The following EMG1 variants were observed in gnomAD, a reference collection of about 807,000 sequenced individuals.
The protein encoded by EMG1 is EMG1 N1-specific pseudouridine methyltransferase, also known as ribosomal RNA small subunit methyltransferase NEP1.
In EMG1, 24 loss-of-function variants were observed where a neutral mutation model predicts 26.9. The ratio of observed to expected loss-of-function variants is 0.89; its 90% CI spans 0.65 to 1.26. EMG1 has a LOEUF of 1.26. Among genes scored for constraint, EMG1 ranks in the 50% most tolerant of loss-of-function variants. The pLI, the probability that EMG1 is intolerant of heterozygous loss-of-function variation, is 0.00. For missense variants in EMG1, 299 were observed against 307.6 expected (o/e 0.97, Z 0.21); for synonymous variants, 140 against 112.6 (o/e 1.24, Z -1.54).
chr12:6,997,102 AC>A (rs1174173564), intron 7 of EMG1: 16 of 152,328 alleles, frequency 1.1e-4, no homozygotes, highest in Admixed American at 5.2e-4. Context: ...AGGTCTTCAA[AC>A]CTTTTTGCTG....
chr12:6,981,144 A>G, downstream of EMG1: 1 of 1,613,406 alleles, frequency 6.2e-7, no homozygotes, highest in Non-Finnish European at 8.5e-7. Context: ...AAGGAACACC[A>G]CGTATGGCAT....
rs782354941 is a variant in EMG1, at chr12:6,995,469, G to A, written c.*212-1756G>A. On this transcript the variant is annotated intron_variant and NMD_transcript_variant, in intron 7 of 7. Transcript: ENST00000607161. ...AGCCTGGGCAACAGAGCCAGACTCC[G>A]TCTCAAAAAAAAAAAAAAAGTGTTT... is the stretch of plus-strand genomic sequence containing the variant. Among the ~76,000 whole-genome samples, 14 of 147,362 alleles carry A rather than the reference G, an allele frequency of 9.5e-5. 1 individual carries two copies. In the South Asian group the frequency reaches 1.5e-3, roughly 16 times the overall value.
Position 6,978,185 on chromosome 12 carries a change from G to T in EMG1, c.*2376G>T. 1 of 819,890 alleles carries T rather than the reference G, an allele frequency of 1.2e-6. No homozygotes were observed. Among genetic ancestry groups the T allele is most frequent in the Non-Finnish European group, 1.9e-6 (1 of 523,052 alleles). The allele number at this position is 819,890 out of a possible 1,614,324, so 50.8% of individuals were successfully genotyped here. On this transcript the variant is annotated 3_prime_UTR_variant, in exon 6 of 6. Transcript: ENST00000599672. ...ATGACAGTAATGGTTTTTTTGGGAG[G>T]GGGGTATAGGTGGGGGTCAAAGTCA...
At chr12:6,991,329 A>G (rs755762989), downstream of EMG1, among the ~76,000 whole-genome samples, 8 of 152,250 alleles carry the variant, frequency 5.3e-5, no homozygotes, top group Non-Finnish European at 1.2e-4. Context: ...CTTAACAGTT[A>G]GGAACTTTTG....
At chr12:6,983,583 G>T, downstream of EMG1, 2 of 1,282,752 alleles carry the variant, frequency 1.6e-6, no homozygotes, top group Non-Finnish European at 2.3e-6. Context: ...TGTGCCTGGT[G>T]CCATCCCAGT....
At chr12:6,985,264 C>T (rs372990012) in intron 6 of EMG1, among the ~76,000 whole-genome samples, 16 of 151,820 alleles carry the variant, frequency 1.1e-4, no homozygotes, top group East Asian at 9.7e-4. Flanking sequence ...GGTGTGGTGG[C>T]GGGCGCCTAT....
At chr12:6,983,156 C>A, downstream of EMG1, 1 of 467,234 alleles carries the variant, frequency 2.1e-6, no homozygotes, top group Non-Finnish European at 3.9e-6. Context: ...TTGGCTCGGT[C>A]ATTCAGTTAC....
At chr12:6,983,931 C>T (rs782421403), downstream of EMG1, among the ~76,000 whole-genome samples, 11 of 152,042 alleles carry the variant, frequency 7.2e-5, no homozygotes, top group Non-Finnish European at 1.3e-4. Flanking sequence ...TTGCTTGAGC[C>T]GAGGAGTTCG....
chr12:6,985,089 T>TAA (rs10559240), intron 6 of EMG1, among the ~76,000 whole-genome samples: 1 of 112,640 alleles, frequency 8.9e-6, no homozygotes, highest in African/African-American at 3.5e-5. Flanking sequence ...CCCCATACAT[T>TAA]AAAAAAAAAA....
intron 3 of EMG1, 85 bp from the exon 4 acceptor site, chr12:6,975,005 T>G: frequency 7.4e-7 from 1 of 1,355,540 alleles, no homozygotes; most frequent in Non-Finnish European, 1.1e-6. Flanking sequence ...GAACTCATCT[T>G]ATCCATGGGG....
Position 6,977,176 on chromosome 12 carries a change from T to C in EMG1, c.*1367T>C. The C allele has an allele frequency of 6.2e-7, 1 of 1,613,112 alleles. No homozygotes were observed. The highest frequency in any genetic ancestry group is 1.3e-5 in the African/African-American group (1 of 75,032). Reference sequence around the variant, plus strand: ...CCATCTTCTTTAACTTCTCTTTCCTTGGCACCATTGCTTTGTGAATATAAG... The same window carrying C: ...CCATCTTCTTTAACTTCTCTTTCCTCGGCACCATTGCTTTGTGAATATAAG... On this transcript the variant is annotated 3_prime_UTR_variant, in exon 6 of 6. Transcript: ENST00000599672. The surrounding 1 kb of genome is among the most constrained non-coding windows in gnomAD (Gnocchi z 4.5).
chr12:6,977,094 G>T lies in EMG1; in HGVS notation c.*1285G>T. On this transcript the variant is annotated 3_prime_UTR_variant, in exon 6 of 6. Coordinates refer to ENST00000599672, the MANE Select transcript of EMG1 (RefSeq NM_006331.8). The surrounding 1 kb of genome is among the most constrained non-coding windows in gnomAD (Gnocchi z 4.5). The stretch of plus-strand genomic sequence containing the variant: ...TTTTTCCAGTCTGTTGCTCTATTCT[G>T]TAACCTGGTGGTAGTTTTAGTTTAG... 1 of 1,238,472 alleles carries T rather than the reference G, an allele frequency of 8.1e-7. No individual in the cohort carries two copies. The highest frequency in any genetic ancestry group is 2.3e-5 in the East Asian group (1 of 42,938). The allele number at this position is 1,238,472 out of a possible 1,614,324, so 76.7% of individuals were successfully genotyped here. A position where few individuals can be genotyped will look rare whatever the true frequency, so the allele number is the denominator to read the frequency against.
chr12:6,978,710 T>C lies in EMG1; in HGVS notation c.*2901T>C. On this transcript the variant is annotated 3_prime_UTR_variant, in exon 6 of 6. Transcript: ENST00000599672. ...TGGTTCTTGAGGGAAGAAAGCACAGTGCATTAGGGATATCACATGACTAGG... is the reference window on the plus strand; with the variant it reads ...TGGTTCTTGAGGGAAGAAAGCACAGCGCATTAGGGATATCACATGACTAGG... 1 of 1,613,038 alleles carries C rather than the reference T, an allele frequency of 6.2e-7. No individual in the cohort carries two copies. The highest frequency in any genetic ancestry group is 2.2e-5 in the East Asian group (1 of 44,882).
chr12:6,995,671 G>A (rs988043490), intron 7 of EMG1, among the ~76,000 whole-genome samples: 26 of 151,852 alleles, frequency 1.7e-4, no homozygotes, highest in Non-Finnish European at 3.7e-4. Context: ...CCTCCTACCT[G>A]ATCTCTGCCT....
In EMG1 at chr12:6,978,514, G is replaced by A; in HGVS notation, c.*2705G>A. 1 of 1,612,210 alleles carries A rather than the reference G, an allele frequency of 6.2e-7. No individual in the cohort carries two copies. Among genetic ancestry groups the A allele is most frequent in the East Asian group, 2.2e-5 (1 of 44,836 alleles). On this transcript the variant is annotated 3_prime_UTR_variant, in exon 6 of 6. Transcript: ENST00000599672. The stretch of plus-strand genomic sequence containing the variant: ...TCAAAATGCATACTCCTTCCTGAGA[G>A]GGAATAGCTCAGTTAGGGCTCTTGC...
intron 7 of EMG1, among the ~76,000 whole-genome samples, chr12:6,995,291 T>C (rs782703492): frequency 1.1e-4 from 17 of 152,038 alleles, no homozygotes; most frequent in African/African-American, 1.9e-4. Context: ...CTGACCAACA[T>C]GGTGAAACCC....
Position 6,975,300 on chromosome 12 carries a change from G to T in EMG1, c.543G>T (p.Pro181=), listed in dbSNP as rs900422616. The change falls in exon 5 of 6, where the codon CCG becomes CCT. Residue 181 remains proline (P), a synonymous_variant. Transcript: ENST00000599672. The part of the protein sequence containing the change: ...CMKVGTSFSI[P]VVSDVRELVP... Reference sequence around the variant, plus strand: ...AAGTTGGCACTTCTTTTTCCATCCCGGTTGTCAGTGATGTGCGTGAGCTGG... The same window carrying T: ...AAGTTGGCACTTCTTTTTCCATCCCTGTTGTCAGTGATGTGCGTGAGCTGG... The T allele has an allele frequency of 1.2e-6, 2 of 1,611,540 alleles. No individual in the cohort carries two copies. Among genetic ancestry groups the T allele is most frequent in the East Asian group, 2.2e-5 (1 of 44,848 alleles).
At chr12:6,984,932 A>G (rs1264360213), downstream of EMG1, among the ~76,000 whole-genome samples, 1 of 152,116 alleles carries the variant, frequency 6.6e-6, no homozygotes, top group Non-Finnish European at 1.5e-5. Flanking sequence ...AGTTTTTATC[A>G]TGGGCAATAC....
At chr12:6,988,353 G>C (rs1364299179), downstream of EMG1, 1 of 152,326 alleles carries the variant, frequency 6.6e-6, no homozygotes, top group African/African-American at 2.4e-5. Context: ...CCGTGGAGAA[G>C]GAAGAACTGT....
Sources: allele counts gnomAD v4.1 joint callset (sites outside exome capture counted in the v4.1 genomes callset), GRCh38; gene constraint gnomAD v4.1.1; non-coding constraint Gnocchi (gnomAD v3.1); transcripts MANE v1.5; gene names NCBI Gene and HGNC (gene_info 2026-07-23, HGNC 2026-07-21).